Variants in HEPH observed in about 807,000 individuals in gnomAD.
HEPH encodes the protein hephaestin.
HEPH carries 69 observed loss-of-function variants against 80.8 expected under a neutral mutation model. That is an observed-to-expected ratio of 0.85 (90% CI 0.70 to 1.04). The LOEUF is 1.04. HEPH is among the 50% of genes least tolerant of loss of function. HEPH has a pLI of 0.00. For synonymous variants in HEPH, 431 were observed against 322.8 expected, an observed-to-expected ratio of 1.34 and a Z score of -3.60; for missense variants, 1,115 against 891.3, an observed-to-expected ratio of 1.25 and a Z score of -3.20.
At chrX:66,224,526 G>T (rs1161190282) in intron 15 of HEPH, among the ~76,000 whole-genome samples, 1 of 112,149 alleles carries the variant, frequency 8.9e-6, no homozygotes, top group African/African-American at 3.2e-5. Flanking sequence ...CTCAACTGGT[G>T]AGGTGTGCTC....
chrX:66,244,858 G>C (rs954875508), intron 15 of HEPH, among the ~76,000 whole-genome samples: 1 of 107,875 alleles, frequency 9.3e-6, no homozygotes, highest in Non-Finnish European at 1.9e-5. Flanking sequence ...ATTCCCTTGG[G>C]GATTTGATTG....
At chrX:66,229,745 C>T (rs1029304795) in intron 15 of HEPH, among the ~76,000 whole-genome samples, 2 of 111,456 alleles carry the variant, frequency 1.8e-5, no homozygotes, top group African/African-American at 6.5e-5. Flanking sequence ...TCCTTTCATC[C>T]TACTCTCCAA....
chrX:66,268,445 G>C (rs2091585297), downstream of HEPH: 1 of 112,071 alleles, frequency 8.9e-6, no homozygotes. Context: ...TGGGTGGAAG[G>C]GGGATTTAGA....
chrX:66,256,080 C>A, intron 16 of HEPH, 25 bp from the exon 17 acceptor site: 1 of 1,143,673 alleles, frequency 8.7e-7, no homozygotes, highest in African/African-American at 1.8e-5. Context: ...CTCTTTCTCT[C>A]TCTCCCACTT....
chrX:66,203,660 T>TC (rs1189176966), intron 13 of HEPH, 83 bp downstream of exon 13: 1 of 814,484 alleles, frequency 1.2e-6, no homozygotes, highest in South Asian at 2.5e-5. Context: ...ATGAGGAGAC[T>TC]CTTATCTCAG....
In HEPH at chrX:66,220,690, A is replaced by G. The variant is rs560660977; in HGVS notation, c.2563+12444A>G. Among the ~76,000 whole-genome samples, 3 of 111,795 alleles carry G rather than the reference A, an allele frequency of 2.7e-5. No homozygotes were observed. In the Admixed American group the frequency reaches 2.8e-4, roughly 11 times the overall value. ...TCCTAACATTACTATTAATAACAGC[A>G]CAGGCATCAAACTTCAAGGTGACTT... On this transcript the variant is annotated intron_variant, in intron 15 of 20. Transcript: ENST00000343002.
chrX:66,237,249 T>C (rs2090398984), intron 15 of HEPH, among the ~76,000 whole-genome samples: 1 of 110,942 alleles, frequency 9.0e-6, no homozygotes, highest in Non-Finnish European at 1.9e-5. Context: ...AACTTTGTGA[T>C]GTGGGCATTT....
intron 15 of HEPH, among the ~76,000 whole-genome samples, chrX:66,222,670 G>T (rs755170725): frequency 9.0e-6 from 1 of 111,530 alleles, no homozygotes; most frequent in Non-Finnish European, 1.9e-5. Flanking sequence ...CAAGACTCCT[G>T]GTTGACATTG....
In HEPH at chrX:66,172,438, A is replaced by G. The variant is rs1394520727; in HGVS notation, c.251A>G (p.Asp84Gly). ...KKTIYKEYKD[D>G]SYTDEVAQPA... ...ACCATCTATAAAGAATACAAGGATG[A>G]CTCATACACAGATGAAGTGGCCCAG... Residue 84 changes from aspartate to glycine, a missense_variant, in exon 3 of 21, where the codon GAC (aspartate) becomes GGC (glycine). Asp to Gly is a moderately conservative substitution (Grantham distance 94). Around this residue, in one of 3 missense-constraint regions of HEPH, gnomAD observed 391 missense variants for 343.6 expected, o/e 1.14. Transcript: ENST00000343002. 1 of 1,209,096 alleles carries G rather than the reference A, an allele frequency of 8.3e-7. No homozygotes were observed. Among genetic ancestry groups the G allele is most frequent in the Non-Finnish European group, 1.1e-6 (1 of 894,064 alleles).
chrX:66,188,609 A>G (rs779388692), intron 5 of HEPH, 68 bp downstream of exon 5: 1 of 928,234 alleles, frequency 1.1e-6, no homozygotes, highest in African/African-American at 1.9e-5. Flanking sequence ...TGGGCCTAGT[A>G]TTTGGTGGAT....
chrX:66,192,000 A>T (rs754572628), intron 6 of HEPH, 130 bp from the exon 7 acceptor site: 2 of 619,013 alleles, frequency 3.2e-6, no homozygotes, highest in East Asian at 7.3e-5. Context: ...AAAGCGGCCC[A>T]TTTTGGAGCA....
intron 15 of HEPH, among the ~76,000 whole-genome samples, chrX:66,232,115 C>T (rs1215083719): frequency 9.1e-6 from 1 of 109,766 alleles, no homozygotes; most frequent in African/African-American, 3.3e-5. Context: ...GCCTTGCATC[C>T]CAGGGATGAA....
chrX:66,198,368 G>A (rs909076587), intron 10 of HEPH, among the ~76,000 whole-genome samples: 4 of 111,997 alleles, frequency 3.6e-5, no homozygotes, highest in African/African-American at 9.8e-5. Context: ...ATGGGATAAC[G>A]ATGGAAGAAG....
intron 15 of HEPH, among the ~76,000 whole-genome samples, chrX:66,209,734 C>T (rs1253089653): frequency 9.0e-6 from 1 of 111,446 alleles, no homozygotes; most frequent in Non-Finnish European, 1.9e-5. Context: ...TTAAATAATA[C>T]CCAGTTTTTG....
intron 15 of HEPH, among the ~76,000 whole-genome samples, chrX:66,245,944 G>A (rs756859964): frequency 8.9e-6 from 1 of 112,220 alleles, no homozygotes; most frequent in South Asian, 3.7e-4. Flanking sequence ...TTCTTTTGTT[G>A]GGTGTTCTTG....
intron 15 of HEPH, among the ~76,000 whole-genome samples, chrX:66,238,194 G>A (rs1316724255): frequency 1.8e-5 from 2 of 111,094 alleles, no homozygotes; most frequent in Non-Finnish European, 3.8e-5. Flanking sequence ...TCGTTAGTGT[G>A]GTTGCTTTAT....
At chrX:66,172,694 C>A in intron 3 of HEPH, 95 bp downstream of exon 3, 3 of 936,991 alleles carry the variant, frequency 3.2e-6, no homozygotes, top group Non-Finnish European at 2.9e-6. Flanking sequence ...TGAAGATTTT[C>A]TTTTCTTCCT....
chrX:66,198,882 G>T lies in HEPH; in HGVS notation c.1718G>T (p.Gly573Val). Residue 573 changes from glycine (G) to valine (V), a missense_variant, in exon 11 of 21, where the codon GGG becomes GTG. By Grantham distance (109) the Gly-to-Val change is moderately radical. Transcript: ENST00000343002. ...GALGADGKQK[G>V]VDKEFFLLFT... ...TTTCTTCTATTGGGCCTGCAGAAAGGGGTGGATAAAGAATTCTTTCTTCTC... is the reference window on the plus strand; with the variant it reads ...TTTCTTCTATTGGGCCTGCAGAAAGTGGTGGATAAAGAATTCTTTCTTCTC... 3 of 1,193,847 alleles carry T rather than the reference G, an allele frequency of 2.5e-6. No homozygotes were observed. Among genetic ancestry groups the T allele is most frequent in the African/African-American group, 1.7e-5 (1 of 57,450 alleles).
At chrX:66,188,319 G>T (rs747182074) in intron 4 of HEPH, 40 bp from the exon 5 acceptor site, 13 of 1,068,585 alleles carry the variant, frequency 1.2e-5, no homozygotes, top group Non-Finnish European at 1.4e-5. Context: ...TATTGCTAAG[G>T]AAAGGATCTT....
Sources: allele counts gnomAD v4.1 joint callset (sites outside exome capture counted in the v4.1 genomes callset), GRCh38; gene constraint gnomAD v4.1.1; regional missense constraint gnomAD v4.1.1; transcripts MANE v1.5; gene names NCBI Gene and HGNC (gene_info 2026-07-23, HGNC 2026-07-21).